MINAR1: variants seen among roughly 807,000 people sequenced by gnomAD.
MINAR1 encodes the protein membrane integral NOTCH2 associated receptor 1, also known as major intrinsically disordered Notch2-binding receptor 1.
A neutral mutation model predicts 65.1 loss-of-function variants in MINAR1; 40 were observed. The observed-to-expected ratio is 0.61, with a 90% CI of 0.48 to 0.80. The LOEUF (loss-of-function observed/expected upper bound fraction) is 0.80, where lower values mean the gene tolerates loss of function less well. Ranked by LOEUF, MINAR1 falls within the 30% of genes least tolerant of loss-of-function variation. The pLI is 0.00. For synonymous variants in MINAR1, 482 were observed against 449.1 expected (o/e 1.07, Z -0.93); for missense variants, 1,128 against 1,148.0 (o/e 0.98, Z 0.25).
intron 2 of MINAR1, among the ~76,000 whole-genome samples, chr15:79,461,886 C>A (rs2865237): frequency 6.6e-6 from 1 of 152,128 alleles, no homozygotes; most frequent in South Asian, 2.1e-4. Flanking sequence ...CACACACACT[C>A]CAGGTGTGCT....
chr15:79,439,791 G>A (rs1894819039), intron 1 of MINAR1, among the ~76,000 whole-genome samples: 1 of 151,942 alleles, frequency 6.6e-6, no homozygotes, highest in Non-Finnish European at 1.5e-5. Context: ...GGTGAAAGAC[G>A]GAAAGAACAC....
chr15:79,413,029 C>T, the MINAR1 span: 1 of 152,102 alleles, frequency 6.6e-6, no homozygotes, highest in African/African-American at 2.4e-5. Flanking sequence ...AGCAAACCCT[C>T]AAGGTCATCA....
chr15:79,427,510 A>G (rs1433118658), upstream of MINAR1: 1 of 152,190 alleles, frequency 6.6e-6, no homozygotes, highest in Non-Finnish European at 1.5e-5. Context: ...TTAACTCACA[A>G]CAAAGTGTTA....
At chr15:79,447,904 C>T (rs1239215820) in intron 1 of MINAR1, among the ~76,000 whole-genome samples, 1 of 152,142 alleles carries the variant, frequency 6.6e-6, no homozygotes, top group Non-Finnish European at 1.5e-5. Context: ...GAGAATAGTC[C>T]TTCAAGGGTC....
chr15:79,439,993 C>T (rs1455136995), intron 1 of MINAR1, among the ~76,000 whole-genome samples: 1 of 152,128 alleles, frequency 6.6e-6, no homozygotes, highest in Non-Finnish European at 1.5e-5. Flanking sequence ...TTCTTTTCTG[C>T]ACTTCAGGGG....
Position 79,463,242 on chromosome 15 carries a change from G to A in MINAR1, c.2474G>A (p.Arg825Gln), listed in dbSNP as rs754086767. ...MRLTELAEVK[R>Q]GQPSWTIEEY... ...CTGACCGAGTTGGCCGAGGTGAAGCGGGGCCAACCTTCTTGGACCATTGAG... is the reference window on the plus strand; with the variant it reads ...CTGACCGAGTTGGCCGAGGTGAAGCAGGGCCAACCTTCTTGGACCATTGAG... Residue 825 changes from arginine (R) to glutamine (Q), a missense_variant, in exon 3 of 4, where the codon CGG (arginine) becomes CAG (glutamine). Transcript: ENST00000305428. The A allele has an allele frequency of 4.2e-5, 67 of 1,614,080 alleles. No homozygotes were observed. The highest frequency in any genetic ancestry group is 3.3e-4 in the Middle Eastern group (2 of 6,084).
At chr15:79,462,283 T>C (rs1170687921) in intron 2 of MINAR1, among the ~76,000 whole-genome samples, 1 of 152,178 alleles carries the variant, frequency 6.6e-6, no homozygotes, top group Admixed American at 6.5e-5. Flanking sequence ...AAATGCTGGC[T>C]GAAGGGTCTG....
chr15:79,423,486 AATTT>A, the MINAR1 span: 3 of 152,186 alleles, frequency 2.0e-5, no homozygotes, highest in South Asian at 4.1e-4. Flanking sequence ...TAAATTAAAC[AATTT>A]ATTTAACAAT....
chr15:79,469,126 C>G lies in MINAR1; in HGVS notation c.*742C>G, dbSNP rs1425992577. On this transcript the variant is annotated 3_prime_UTR_variant, in exon 4 of 4. Transcript: ENST00000305428. ...GTCCTCAATCCAAAGTGTAGGGGAG[C>G]TGCCTGCTAACGATGTAAGGTCAGT... 1.3e-5 allele frequency: 2 copies of G among 152,682 alleles called. No individual in the cohort carries two copies. Among genetic ancestry groups the G allele is most frequent in the Non-Finnish European group, 2.9e-5 (2 of 68,094 alleles). The allele number at this position is 152,682 out of a possible 1,614,324, so 9.5% of individuals were successfully genotyped here.
rs554115514 is a variant in MINAR1, at chr15:79,436,452, A to C, written c.-51+3912A>C. On this transcript the variant is annotated intron_variant, in intron 1 of 3. Transcript: ENST00000305428. Reference sequence around the variant, plus strand: ...AACATGAAAACCGAAAGTCTGATGCACTGGCTATAATATGCTGATTTCATA... The same window carrying C: ...AACATGAAAACCGAAAGTCTGATGCCCTGGCTATAATATGCTGATTTCATA... 3.9e-5 allele frequency among the ~76,000 whole-genome samples: 6 copies of C among 152,364 alleles called. No individual in the cohort carries two copies. In the East Asian group the frequency reaches 1.2e-3, roughly 29 times the overall value.
the MINAR1 span, chr15:79,424,693 T>C: frequency 6.6e-6 from 1 of 152,316 alleles, no homozygotes; most frequent in East Asian, 1.9e-4. Flanking sequence ...GACTTGAAAA[T>C]GAAAGAGATT....
chr15:79,456,275 T>C lies in MINAR1; in HGVS notation c.128T>C (p.Leu43Pro). 1 of 1,614,204 alleles carries C rather than the reference T, an allele frequency of 6.2e-7. No homozygotes were observed. The highest frequency in any genetic ancestry group is 8.5e-7 in the Non-Finnish European group (1 of 1,180,042). The change falls in exon 2 of 4, where the codon CTT becomes CCT. Residue 43 changes from leucine (L) to proline (P), a missense_variant. Coordinates refer to ENST00000305428, the MANE Select transcript of MINAR1 (RefSeq NM_015206.3). ...TGTGCCCGGTTCGACCTGTCGCAGC[T>C]TGCCAAACTGAGAAGTGTGCTCTTC... ...SLCARFDLSQ[L>P]AKLRSVLFYT... is the part of the protein sequence containing the mutation.
chr15:79,467,395 C>T (rs541608013), intron 3 of MINAR1, among the ~76,000 whole-genome samples: 1 of 152,342 alleles, frequency 6.6e-6, no homozygotes, highest in East Asian at 1.9e-4. Flanking sequence ...AATGAGAACA[C>T]TGCCTTTCTT....
chr15:79,468,522 G>A lies in MINAR1; in HGVS notation c.*138G>A, dbSNP rs1895958234. 2 of 800,078 alleles carry A rather than the reference G, an allele frequency of 2.5e-6. No individual in the cohort carries two copies. The highest frequency in any genetic ancestry group is 1.8e-5 in the South Asian group (1 of 54,664). 49.6% of individuals were successfully genotyped at this position (800,078 alleles called of 1,614,324 possible). On this transcript the variant is annotated 3_prime_UTR_variant, in exon 4 of 4. Coordinates refer to ENST00000305428, the MANE Select transcript of MINAR1 (RefSeq NM_015206.3). ...GCATTTCTACAAATGTTGAATGAAG[G>A]TGGTTTTCAGAAAGTATACATTCTA...
intron 1 of MINAR1, among the ~76,000 whole-genome samples, chr15:79,455,490 C>T (rs1306111537): frequency 6.6e-6 from 1 of 152,192 alleles, no homozygotes; most frequent in African/African-American, 2.4e-5. Flanking sequence ...ACCACCACCA[C>T]AACCAGGATG....
the MINAR1 span, chr15:79,417,513 A>T: frequency 1.3e-5 from 2 of 152,192 alleles, no homozygotes; most frequent in Non-Finnish European, 1.5e-5. Flanking sequence ...GGTAAATGGT[A>T]CCTGAAAGGG....
Position 79,468,272 on chromosome 15 carries a change from A to G in MINAR1, c.2639A>G (p.Lys880Arg). Reference protein sequence around the residue: ...TPGYDSLLKRKEAEFRRAKVC... With the variant: ...TPGYDSLLKRREAEFRRAKVC... ...GGATACGATTCATTACTAAAACGTAAAGAAGCCGAATTCAGACGAGCCAAG... is the reference window on the plus strand; with the variant it reads ...GGATACGATTCATTACTAAAACGTAGAGAAGCCGAATTCAGACGAGCCAAG... The change falls in exon 4 of 4, where the codon AAA becomes AGA. Residue 880 changes from lysine (K) to arginine (R), a missense_variant. Transcript: ENST00000305428. 6.2e-7 allele frequency: 1 copy of G among 1,614,098 alleles called. No homozygotes were observed.
chr15:79,448,630 A>T (rs8028278), intron 1 of MINAR1, among the ~76,000 whole-genome samples: 35,811 of 152,100 alleles, frequency 0.24, 5,704 homozygotes, highest in African/African-American at 0.45. Context: ...TGTGGCTGTT[A>T]TATCTCTGCA....
At chr15:79,432,928 T>C (rs1204492685) in intron 1 of MINAR1, among the ~76,000 whole-genome samples, 1 of 152,220 alleles carries the variant, frequency 6.6e-6, no homozygotes, top group East Asian at 1.9e-4. Context: ...GCAAAAAGCC[T>C]GACACATCAG....
Sources: gnomAD v4.1 joint callset for allele counts (sites outside exome capture counted in the v4.1 genomes callset) on GRCh38, gnomAD v4.1.1 for gene constraint, MANE v1.5 for transcripts, NCBI Gene and HGNC (gene_info 2026-07-23, HGNC 2026-07-21) for gene names.